The following LRRC2 variants were observed in gnomAD, a reference collection of about 807,000 sequenced individuals.
LRRC2 encodes the protein leucine rich repeat containing 2, also known as leucine-rich repeat-containing protein 2.
In LRRC2, 27 loss-of-function variants were observed where a neutral mutation model predicts 40.2. The ratio of observed to expected loss-of-function variants is 0.67; its 90% confidence interval spans 0.49 to 0.93. LRRC2 has a LOEUF of 0.93. Among genes scored for constraint, LRRC2 ranks in the 40% least tolerant of loss-of-function variants. The pLI is 0.00. For synonymous variants in LRRC2, 147 were observed against 158.9 expected, an observed-to-expected ratio of 0.92 and a Z score of 0.56; for missense variants, 402 against 439.6, an observed-to-expected ratio of 0.91 and a Z score of 0.76.
chr3:46,549,726 G>A (rs1032141008), intron 2 of LRRC2, among the ~76,000 whole-genome samples: 2 of 152,222 alleles, frequency 1.3e-5, no homozygotes, highest in African/African-American at 4.8e-5. Context: ...GACCCCAGGT[G>A]TCTGCAAATG....
intron 1 of LRRC2, among the ~76,000 whole-genome samples, chr3:46,554,901 CTT>C (rs1004357509): frequency 6.6e-6 from 1 of 152,198 alleles, no homozygotes; most frequent in Non-Finnish European, 1.5e-5. Context: ...CTCACCAACA[CTT>C]GTTATTAACT....
intron 7 of LRRC2, among the ~76,000 whole-genome samples, chr3:46,525,455 T>C (rs1194055121): frequency 1.3e-5 from 2 of 151,896 alleles, no homozygotes; most frequent in Admixed American, 1.3e-4. Context: ...CTCGCTATGT[T>C]ACCCACACCG....
rs377019849 is a variant in LRRC2 at position 46,529,897 on chromosome 3, G to A, written c.773+8C>T. 3.4e-5 allele frequency: 55 copies of A among 1,613,876 alleles called. No homozygotes were observed. The highest frequency in any genetic ancestry group is 4.5e-5 in the Non-Finnish European group (53 of 1,179,964). On this transcript the variant is annotated splice_region_variant and intron_variant, in intron 6 of 8. Transcript: ENST00000395905. ...ACATACACCTCACCTTAGAATGCAA[G>A]TAGCTACCTGTCTATATCTTGCGGC...
chr3:46,551,206 G>T, intron 2 of LRRC2: 1 of 270,624 alleles, frequency 3.7e-6, no homozygotes, highest in Non-Finnish European at 6.9e-6. Flanking sequence ...TTTACTGTGG[G>T]GGGATTTATC....
intron 1 of LRRC2, among the ~76,000 whole-genome samples, chr3:46,555,382 T>C (rs1287749014): frequency 1.3e-5 from 2 of 152,188 alleles, no homozygotes; most frequent in African/African-American, 4.8e-5. Context: ...GATTTAAATC[T>C]GTAATTTTAT....
chr3:46,561,080 G>A (rs146854827), intron 1 of LRRC2, among the ~76,000 whole-genome samples: 150 of 152,280 alleles, frequency 9.9e-4, no homozygotes, highest in African/African-American at 3.2e-3. Context: ...ATATGTAGGC[G>A]TTTACATAAC....
At chr3:46,524,505 A>G (rs1704022281) in intron 7 of LRRC2, among the ~76,000 whole-genome samples, 1 of 152,310 alleles carries the variant, frequency 6.6e-6, no homozygotes, top group South Asian at 2.1e-4. Context: ...GGCCACCAAC[A>G]TCTTCAGGAC....
At chr3:46,540,344 G>A (rs1704359556) in intron 3 of LRRC2, among the ~76,000 whole-genome samples, 2 of 152,254 alleles carry the variant, frequency 1.3e-5, no homozygotes, top group Non-Finnish European at 2.9e-5. Flanking sequence ...GGCCAACATG[G>A]TGAAACCCCA....
At chr3:46,554,142 C>T (rs1417031381) in intron 1 of LRRC2, among the ~76,000 whole-genome samples, 1 of 152,108 alleles carries the variant, frequency 6.6e-6, no homozygotes, top group African/African-American at 2.4e-5. Flanking sequence ...ACCTCCACCT[C>T]CCAAGTAGCT....
At chr3:46,540,533 A>G (rs1288467938) in intron 3 of LRRC2, among the ~76,000 whole-genome samples, 1 of 151,964 alleles carries the variant, frequency 6.6e-6, no homozygotes, top group Non-Finnish European at 1.5e-5. Context: ...TCAAAAAAAA[A>G]AAAAAAAATT....
At chr3:46,527,754 G>C (rs1466672876) in intron 6 of LRRC2, among the ~76,000 whole-genome samples, 173 bp from the exon 7 acceptor site, 1 of 151,838 alleles carries the variant, frequency 6.6e-6, no homozygotes, top group Non-Finnish European at 1.5e-5. Context: ...TTGAGACAAG[G>C]TGTTATTATG....
rs17286758 is a variant in LRRC2 at position 46,545,132 on chromosome 3, T to G, written c.247A>C (p.Thr83Pro). Residue 83 changes from threonine to proline, a missense_variant, in exon 3 of 9, where the codon ACT becomes CCT. By Grantham distance (38) the Thr-to-Pro change is conservative (BLOSUM62 -1). Coordinates refer to ENST00000395905, the MANE Select transcript of LRRC2 (RefSeq NM_024512.5). ...GGAAGTGAACTCTGCCTTGTGAGAG[T>G]GTTCCTTTCAATCTTGTCCAGAAGC... ...VRLLDKIERNTLTRQSSLPKD... is the reference protein window; with the variant it reads ...VRLLDKIERNPLTRQSSLPKD... 1 of 1,613,938 alleles carries G rather than the reference T, an allele frequency of 6.2e-7. No homozygotes were observed. Among genetic ancestry groups the G allele is most frequent in the South Asian group, 1.1e-5 (1 of 91,064 alleles).
chr3:46,545,053 T>G lies in LRRC2; in HGVS notation c.326A>C (p.His109Pro), dbSNP rs773032182. Residue 109 changes from histidine to proline, a missense_variant, in exon 3 of 9, where the codon CAC becomes CCC. His to Pro is a moderately conservative substitution (Grantham distance 77). Transcript: ENST00000395905. The stretch of plus-strand genomic sequence containing the variant: ...AGAACTGCCTCGACTCACCGTCCAG[T>G]GCTCCCCAGAAAGTTCAAACACAAA... Reference protein sequence around the residue: ...SAFVFELSGEHWTELPDSLKE... With the variant: ...SAFVFELSGEPWTELPDSLKE... 2.2e-5 allele frequency: 36 copies of G among 1,612,412 alleles called. 1 individual carries two copies. The East Asian group carries it at 3.6e-4, about 16-fold the overall frequency.
At chr3:46,531,434 A>G (rs1483047073) in intron 5 of LRRC2, among the ~76,000 whole-genome samples, 1 of 152,192 alleles carries the variant, frequency 6.6e-6, no homozygotes, top group Non-Finnish European at 1.5e-5. Context: ...GCAAACAGGG[A>G]GGCTGTTGCC....
rs1236814373 is a variant in LRRC2 at position 46,517,479 on chromosome 3, C to T, written c.*1535G>A. 1 of 152,014 alleles carries T rather than the reference C, an allele frequency of 6.6e-6. No homozygotes were observed. The highest frequency in any genetic ancestry group is 1.5e-5 in the Non-Finnish European group (1 of 68,026). 9.4% of individuals were successfully genotyped at this position (152,014 alleles called of 1,614,324 possible). ...AGCTGGGACCACAGGCACATGCCAC[C>T]ACACCTGGCTAATTTTTTGAATTTT... On this transcript the variant is annotated 3_prime_UTR_variant, in exon 9 of 9. Coordinates refer to ENST00000395905, the MANE Select transcript of LRRC2 (RefSeq NM_024512.5).
chr3:46,530,409 G>C (rs565341111), intron 5 of LRRC2, among the ~76,000 whole-genome samples: 1 of 152,030 alleles, frequency 6.6e-6, no homozygotes, highest in Non-Finnish European at 1.5e-5. Context: ...GCAAAACCCC[G>C]TCTCTACTAA....
At chr3:46,559,086 A>G (rs1239394923) in intron 1 of LRRC2, 1 of 152,260 alleles carries the variant, frequency 6.6e-6, no homozygotes, top group Non-Finnish European at 1.5e-5. Context: ...TCTACCATAA[A>G]AATGATAGGT....
chr3:46,563,360 A>G (rs1704989173), intron 1 of LRRC2, among the ~76,000 whole-genome samples: 2 of 152,164 alleles, frequency 1.3e-5, no homozygotes, highest in African/African-American at 4.8e-5. Context: ...AGCTTTCCAC[A>G]GAGGCAGTGA....
intron 1 of LRRC2, among the ~76,000 whole-genome samples, chr3:46,560,711 T>C (rs1200453653): frequency 6.6e-6 from 1 of 152,184 alleles, no homozygotes; most frequent in African/African-American, 2.4e-5. Context: ...TGTGTGGTTG[T>C]AGCAGAATTA....
Sources: gnomAD v4.1 joint callset for allele counts (sites outside exome capture counted in the v4.1 genomes callset) on GRCh38, gnomAD v4.1.1 for gene constraint, MANE v1.5 for transcripts, NCBI Gene and HGNC (gene_info 2026-07-23, HGNC 2026-07-21) for gene names.